The following MAP3K13 variants were observed in gnomAD, a reference collection of about 807,000 sequenced individuals.
MAP3K13 encodes leucine zipper-bearing kinase.
MAP3K13 carries 52 observed loss-of-function variants against 104.0 expected under a neutral mutation model. That is an observed-to-expected ratio of 0.50 (90% CI 0.40 to 0.63). MAP3K13 has a LOEUF of 0.63. MAP3K13 is among the 20% of genes least tolerant of loss of function. MAP3K13 has a pLI of 0.00. For synonymous variants in MAP3K13, 394 were observed against 442.2 expected (o/e 0.89, Z 1.37); for missense variants, 914 against 1,218.5 (o/e 0.75, Z 3.72).
intron 1 of MAP3K13, among the ~76,000 whole-genome samples, chr3:185,420,364 G>A (rs1197246992): frequency 6.6e-6 from 1 of 152,188 alleles, no homozygotes; most frequent in African/African-American, 2.4e-5. Context: ...TGTTTTCAAA[G>A]TTCAAATTAA....
At chr3:185,432,389 C>G (rs1714797170) in intron 2 of MAP3K13, among the ~76,000 whole-genome samples, 1 of 151,874 alleles carries the variant, frequency 6.6e-6, no homozygotes, top group Admixed American at 6.6e-5. Flanking sequence ...CAGGGTTTCA[C>G]CATGTTGGCC....
chr3:185,479,873 GA>G (rs1718344230), intron 12 of MAP3K13, among the ~76,000 whole-genome samples: 1 of 152,098 alleles, frequency 6.6e-6, no homozygotes, highest in African/African-American at 2.4e-5. Context: ...CATGAATGTT[GA>G]AAAAAGGTGG....
In MAP3K13 at chr3:185,482,242, G is replaced by A. The variant is rs1718506429; in HGVS notation, c.2800-113G>A. 1 of 746,326 alleles carries A rather than the reference G, an allele frequency of 1.3e-6. No homozygotes were observed. The highest frequency in any genetic ancestry group is 1.6e-5 in the South Asian group (1 of 63,174). The allele number at this position is 746,326 out of a possible 1,614,324, so 46.2% of individuals were successfully genotyped here. A position where few individuals can be genotyped will look rare whatever the true frequency, so the allele number is the denominator to read the frequency against. On this transcript the variant is annotated intron_variant, in intron 13 of 13. Coordinates refer to ENST00000265026, the MANE Select transcript of MAP3K13 (RefSeq NM_004721.5). The surrounding 1 kb of genome is among the most constrained non-coding windows in gnomAD (Gnocchi z 4.5). The stretch of plus-strand genomic sequence containing the variant: ...TCCCACAAGGACAGGACCTGGTCTC[G>A]TTTACCTTTGTAGCCCCCTTACCAA...
chr3:185,380,855 C>T (rs186348627), intron 1 of MAP3K13, among the ~76,000 whole-genome samples: 203 of 152,134 alleles, frequency 1.3e-3, no homozygotes, highest in Non-Finnish European at 2.5e-3. Flanking sequence ...GGCAGGCACT[C>T]CAAGAACTAC....
intron 1 of MAP3K13, among the ~76,000 whole-genome samples, chr3:185,375,251 A>C (rs1724367787): frequency 6.6e-6 from 1 of 152,152 alleles, no homozygotes; most frequent in African/African-American, 2.4e-5. Flanking sequence ...CCAGGCCAAG[A>C]GTTATTTTAG....
At chr3:185,354,341 C>T (rs1172478387) in intron 2 of MAP3K13, among the ~76,000 whole-genome samples, 1 of 150,350 alleles carries the variant, frequency 6.7e-6, no homozygotes, top group Non-Finnish European at 1.5e-5. Context: ...CAAACCGGGG[C>T]AACGGCAATC....
intron 1 of MAP3K13, among the ~76,000 whole-genome samples, chr3:185,378,377 C>A (rs1435795609): frequency 6.6e-6 from 1 of 152,038 alleles, no homozygotes; most frequent in Non-Finnish European, 1.5e-5. Flanking sequence ...TGAAAAAGAG[C>A]CTAAACGCTA....
intron 2 of MAP3K13, among the ~76,000 whole-genome samples, chr3:185,312,052 G>A (rs1047951871): frequency 6.6e-6 from 1 of 152,232 alleles, no homozygotes; most frequent in Non-Finnish European, 1.5e-5. Flanking sequence ...AATAGCCACT[G>A]TGTCTTTGGT....
At chr3:185,329,378 G>A (rs772996914) in intron 2 of MAP3K13, 53 of 591,602 alleles carry the variant, frequency 9.0e-5, no homozygotes, top group Non-Finnish European at 1.5e-4. Context: ...ATATTTAGCA[G>A]TCTCTCAGAT....
intron 1 of MAP3K13, among the ~76,000 whole-genome samples, chr3:185,371,674 A>G (rs1724169490): frequency 6.6e-6 from 1 of 152,202 alleles, no homozygotes; most frequent in Admixed American, 6.5e-5. Context: ...GACAGAAAAA[A>G]AGGAGAGCAG....
At chr3:185,377,339 G>T (rs1040299756) in intron 1 of MAP3K13, among the ~76,000 whole-genome samples, 1 of 152,126 alleles carries the variant, frequency 6.6e-6, no homozygotes, top group African/African-American at 2.4e-5. Flanking sequence ...ATGGTAAGGG[G>T]TGCATGATCG....
chr3:185,352,006 C>T (rs1723155094), intron 2 of MAP3K13, among the ~76,000 whole-genome samples: 2 of 152,200 alleles, frequency 1.3e-5, no homozygotes, highest in Non-Finnish European at 2.9e-5. Context: ...ACAGCAGCTT[C>T]ATCTCTAACA....
intron 1 of MAP3K13, among the ~76,000 whole-genome samples, chr3:185,398,729 C>T (rs1275175329): frequency 6.6e-6 from 1 of 152,230 alleles, no homozygotes; most frequent in Non-Finnish European, 1.5e-5. Context: ...GTGGTACCTA[C>T]TTCCTTCTTA....
intron 2 of MAP3K13, among the ~76,000 whole-genome samples, chr3:185,307,547 T>C (rs56137169): frequency 0.92 from 100,869 of 109,218 alleles, 46,857 homozygotes; most frequent in African/African-American, 0.96. Context: ...CACCACCCCC[T>C]CCCCCGCCAC....
At chr3:185,395,227 C>T (rs1712309580) in intron 1 of MAP3K13, among the ~76,000 whole-genome samples, 1 of 151,698 alleles carries the variant, frequency 6.6e-6, no homozygotes, top group Non-Finnish European at 1.5e-5. Flanking sequence ...TTTTTCTTTC[C>T]ACTATACCAA....
rs190284578 is a variant in MAP3K13 at position 185,398,878 on chromosome 3, A to G, written c.-85-29619A>G. Among the ~76,000 whole-genome samples, 105 of 152,386 alleles carry G rather than the reference A, an allele frequency of 6.9e-4. 1 individual carries two copies. The highest frequency in any genetic ancestry group is 1.3e-3 in the Non-Finnish European group (87 of 68,040). On this transcript the variant is annotated intron_variant, in intron 1 of 13. Transcript: ENST00000265026. ...AATAGCTGGTCTGAAATGCCTTTGG[A>G]ACAGTGGTGCCCACGTTAGACAGTC...
chr3:185,375,185 A>G (rs1231136759), intron 1 of MAP3K13, among the ~76,000 whole-genome samples: 1 of 152,194 alleles, frequency 6.6e-6, no homozygotes, highest in Non-Finnish European at 1.5e-5. Context: ...AAATGACTGC[A>G]GTGGCTTCTT....
intron 10 of MAP3K13, among the ~76,000 whole-genome samples, chr3:185,472,358 ATG>A (rs1717854099): frequency 6.6e-6 from 1 of 151,724 alleles, no homozygotes; most frequent in Admixed American, 6.6e-5. Flanking sequence ...GACTACAGGC[ATG>A]CACCACCACG....
At chr3:185,404,820 G>A (rs946972564) in intron 1 of MAP3K13, among the ~76,000 whole-genome samples, 16 of 152,200 alleles carry the variant, frequency 1.1e-4, no homozygotes, top group Admixed American at 6.5e-4. Context: ...CAGGTGATCC[G>A]CCCGCCTCGC....
Sources: allele counts gnomAD v4.1 joint callset (sites outside exome capture counted in the v4.1 genomes callset), GRCh38; gene constraint gnomAD v4.1.1; non-coding constraint Gnocchi (gnomAD v3.1); transcripts MANE v1.5; gene names NCBI Gene and HGNC (gene_info 2026-07-23, HGNC 2026-07-21).